CLNK: variants seen among roughly 807,000 people sequenced by gnomAD.
CLNK encodes the protein cytokine dependent hematopoietic cell linker.
A neutral mutation model predicts 68.6 loss-of-function variants in CLNK; 74 were observed. The ratio of observed to expected loss-of-function variants is 1.08; its 90% CI spans 0.89 to 1.31. CLNK has a LOEUF of 1.31. Ranked by LOEUF, CLNK falls within the 50% of genes most tolerant of loss-of-function variation. The pLI, the probability that CLNK is intolerant of heterozygous loss-of-function variation, is 0.00. For missense variants in CLNK, 553 were observed against 515.3 expected, an observed-to-expected ratio of 1.07 and a Z score of -0.71; for synonymous variants, 198 against 172.2, an observed-to-expected ratio of 1.15 and a Z score of -1.17.
chr4:10,491,443 G>T (rs1482264569), intron 18 of CLNK, among the ~76,000 whole-genome samples: 1 of 152,196 alleles, frequency 6.6e-6, no homozygotes, highest in Admixed American at 6.5e-5. Flanking sequence ...AGGAATTCTA[G>T]TATACATAGA....
intron 2 of CLNK, among the ~76,000 whole-genome samples, chr4:10,628,537 A>G (rs1722764413): frequency 2.0e-5 from 3 of 152,154 alleles, no homozygotes; most frequent in South Asian, 4.1e-4. Flanking sequence ...GGTCCAGCAC[A>G]TTGAGAATAG....
chr4:10,683,122 T>C (rs1725152355), intron 1 of CLNK, among the ~76,000 whole-genome samples: 1 of 152,138 alleles, frequency 6.6e-6, no homozygotes, highest in Non-Finnish European at 1.5e-5. Context: ...AGATCTTACT[T>C]TATTAAAAAG....
chr4:10,625,494 CAG>C (rs1722631751), intron 2 of CLNK, among the ~76,000 whole-genome samples: 1 of 152,076 alleles, frequency 6.6e-6, no homozygotes, highest in Non-Finnish European at 1.5e-5. Flanking sequence ...TAAAGAGTGC[CAG>C]ATGGTTATTG....
chr4:10,526,877 A>G (rs188500141), intron 13 of CLNK, among the ~76,000 whole-genome samples: 1 of 152,344 alleles, frequency 6.6e-6, no homozygotes, highest in African/African-American at 2.4e-5. Context: ...ACATCATAAT[A>G]CTATGATATA....
chr4:10,603,109 G>A (rs1721652675), intron 2 of CLNK, among the ~76,000 whole-genome samples: 1 of 152,208 alleles, frequency 6.6e-6, no homozygotes, highest in Admixed American at 6.5e-5. Context: ...CATTTCTTCT[G>A]TTGTAAAACT....
chr4:10,697,353 C>G, the CLNK span: 2 of 152,094 alleles, frequency 1.3e-5, no homozygotes, highest in Admixed American at 1.3e-4. Flanking sequence ...CAGGCCGGGG[C>G]TTCGTGAGAA....
intron 17 of CLNK, among the ~76,000 whole-genome samples, chr4:10,506,752 C>T (rs1717310900): frequency 6.6e-6 from 1 of 152,150 alleles, no homozygotes; most frequent in Non-Finnish European, 1.5e-5. Context: ...CTGAGAAAGC[C>T]ACACAGCTGA....
intron 5 of CLNK, 56 bp from the exon 6 acceptor site, chr4:10,566,206 C>G: frequency 6.3e-7 from 1 of 1,581,276 alleles, no homozygotes; most frequent in Non-Finnish European, 8.7e-7. Context: ...TTGACAAAGA[C>G]AGGCTACAGT....
At chr4:10,577,715 T>A (rs1367495224) in intron 4 of CLNK, among the ~76,000 whole-genome samples, 4 of 152,030 alleles carry the variant, frequency 2.6e-5, no homozygotes, top group Admixed American at 6.5e-5. Context: ...ACAGGGTCTC[T>A]GAGGACTTTC....
chr4:10,659,718 C>G (rs758594542), intron 2 of CLNK, among the ~76,000 whole-genome samples: 8 of 152,188 alleles, frequency 5.3e-5, no homozygotes, highest in Non-Finnish European at 1.0e-4. Context: ...CTTCTTTCCT[C>G]TTATTTGTGA....
rs1397175939 is a variant in CLNK at position 10,532,256 on chromosome 4, C to A, written c.630G>T (p.Glu210Asp). 1 of 1,609,988 alleles carries A rather than the reference C, an allele frequency of 6.2e-7. No individual in the cohort carries two copies. Among genetic ancestry groups the A allele is most frequent in the Non-Finnish European group, 8.5e-7 (1 of 1,177,142 alleles). Reference protein sequence around the residue: ...PSQISLRDLSEVLEAEKVPHN... With the variant: ...PSQISLRDLSDVLEAEKVPHN... Reference sequence around the variant, plus strand: ...TTCCAAGGATAAAATTGCTACTTACCTCACTTAAGTCCCTTAAGCTTATCT... The same window carrying A: ...TTCCAAGGATAAAATTGCTACTTACATCACTTAAGTCCCTTAAGCTTATCT... Residue 210 changes from glutamate (E) to aspartate (D), a missense_variant and splice_region_variant, in exon 12 of 19, where the codon GAG becomes GAT. Transcript: ENST00000226951.
chr4:10,665,921 T>C (rs920596475), intron 2 of CLNK, among the ~76,000 whole-genome samples: 7 of 152,152 alleles, frequency 4.6e-5, no homozygotes, highest in African/African-American at 1.4e-4. Flanking sequence ...GCAGATGTAG[T>C]TAAGGATCTT....
intron 4 of CLNK, among the ~76,000 whole-genome samples, chr4:10,582,860 C>T (rs1323643966): frequency 6.6e-6 from 1 of 152,140 alleles, no homozygotes; most frequent in African/African-American, 2.4e-5. Context: ...TACACATACA[C>T]AGACACACAC....
intron 4 of CLNK, among the ~76,000 whole-genome samples, chr4:10,578,572 A>ACCTTATCT: frequency 9.3e-6 from 1 of 107,760 alleles, no homozygotes; most frequent in East Asian, 2.6e-4. Context: ...GACTTGGCTT[A>ACCTTATCT]CCTTATCTTT....
At chr4:10,680,608 T>G (rs911452692) in intron 1 of CLNK, among the ~76,000 whole-genome samples, 5 of 152,178 alleles carry the variant, frequency 3.3e-5, no homozygotes, top group African/African-American at 1.2e-4. Context: ...ATAATAATGC[T>G]AAGAATGATG....
At chr4:10,591,575 A>C (rs534473625) in intron 3 of CLNK, among the ~76,000 whole-genome samples, 13 of 152,338 alleles carry the variant, frequency 8.5e-5, no homozygotes, top group African/African-American at 2.9e-4. Flanking sequence ...AAAAGAGGGC[A>C]TCCCAAAGTG....
intron 4 of CLNK, among the ~76,000 whole-genome samples, chr4:10,572,099 C>A (rs1368638989): frequency 6.6e-6 from 1 of 152,210 alleles, no homozygotes; most frequent in African/African-American, 2.4e-5. Flanking sequence ...TCTCTCACAG[C>A]AATTGCTCCC....
chr4:10,601,325 G>C (rs530193409), intron 2 of CLNK, among the ~76,000 whole-genome samples: 1 of 152,160 alleles, frequency 6.6e-6, no homozygotes, highest in African/African-American at 2.4e-5. Context: ...AATGGAGAAT[G>C]GGGAGGAGGA....
intron 8 of CLNK, among the ~76,000 whole-genome samples, chr4:10,545,647 A>G (rs1560210307): frequency 6.6e-6 from 1 of 151,358 alleles, no homozygotes; most frequent in Non-Finnish European, 1.5e-5. Flanking sequence ...CCTGGTGGGG[A>G]CTCCATTAGC....
Sources: gnomAD v4.1 joint callset for allele counts (sites outside exome capture counted in the v4.1 genomes callset) on GRCh38, gnomAD v4.1.1 for gene constraint, MANE v1.5 for transcripts, NCBI Gene and HGNC (gene_info 2026-07-23, HGNC 2026-07-21) for gene names.